The following CABLES1 variants were observed in gnomAD, a reference collection of about 807,000 sequenced individuals.
The protein encoded by CABLES1 is CDK5 and ABL1 enzyme substrate 1.
CABLES1 carries 36 observed loss-of-function variants against 57.8 expected under a neutral mutation model. That is an observed-to-expected ratio of 0.62 (90% confidence interval 0.48 to 0.82). The LOEUF (loss-of-function observed/expected upper bound fraction) is 0.82. CABLES1 is among the 40% of genes least tolerant of loss of function. The pLI is 0.00. For missense variants in CABLES1, 767 were observed against 836.6 expected, an observed-to-expected ratio of 0.92 and a Z score of 1.03; for synonymous variants, 374 against 363.0, an observed-to-expected ratio of 1.03 and a Z score of -0.35.
intron 1 of CABLES1, among the ~76,000 whole-genome samples, chr18:23,145,126 G>A (rs1395112921): frequency 2.6e-5 from 4 of 151,962 alleles, no homozygotes; most frequent in Admixed American, 1.3e-4. Context: ...TAGTAGAGAC[G>A]GGGTTTCGCC....
At chr18:23,183,007 C>T (rs549492348) in intron 1 of CABLES1, among the ~76,000 whole-genome samples, 5 of 152,340 alleles carry the variant, frequency 3.3e-5, no homozygotes, top group South Asian at 2.1e-4. Context: ...TCTCACTTTC[C>T]GGGGTCCTCA....
Position 23,253,493 on chromosome 18 carries a change from C to CA in CABLES1, c.1554-229dup, listed in dbSNP as rs1194045852. ...GTGAGACTCCATCTCAAAAGAAAAA[C>CA]AAAAAAAGTAAACATGTTTTATACG... is the stretch of plus-strand genomic sequence containing the variant. On this transcript the variant is annotated intron_variant, in intron 8 of 9. Transcript: ENST00000256925. Among the ~76,000 whole-genome samples, 2 of 151,984 alleles carry CA rather than the reference C, an allele frequency of 1.3e-5. 1 individual carries two copies. The highest frequency in any genetic ancestry group is 4.1e-4 in the South Asian group (2 of 4,822).
At chr18:23,228,622 C>T (rs901903057) in intron 4 of CABLES1, among the ~76,000 whole-genome samples, 5 of 152,030 alleles carry the variant, frequency 3.3e-5, no homozygotes, top group African/African-American at 1.2e-4. Context: ...GGCTGTCTCC[C>T]CAAATGTGCT....
At chr18:23,182,719 G>A (rs929757201) in intron 1 of CABLES1, among the ~76,000 whole-genome samples, 3 of 152,200 alleles carry the variant, frequency 2.0e-5, no homozygotes, top group African/African-American at 4.8e-5. Context: ...CCTAACTCTC[G>A]GGCCAGAGCT....
At chr18:23,243,704 C>A (rs2047800689) in intron 7 of CABLES1, among the ~76,000 whole-genome samples, 1 of 151,788 alleles carries the variant, frequency 6.6e-6, no homozygotes, top group East Asian at 1.9e-4. Context: ...AAAACCGTCT[C>A]TACTAAAAAA....
At chr18:23,218,612 G>C (rs143007280) in intron 4 of CABLES1, among the ~76,000 whole-genome samples, 1,137 of 24,490 alleles carry the variant, frequency 0.046, 16 homozygotes, top group Admixed American at 0.087. Context: ...ACTTGCCCTG[G>C]CTCCCGCATC....
intron 5 of CABLES1, 63 bp downstream of exon 5, chr18:23,234,767 GA>G: frequency 7.6e-7 from 1 of 1,320,484 alleles, no homozygotes; most frequent in Non-Finnish European, 1.1e-6. Flanking sequence ...GGAAGCAGAG[GA>G]GGGGGGCAGC....
intron 7 of CABLES1, among the ~76,000 whole-genome samples, chr18:23,248,433 CCACTCAGGAGGCA>C (rs2047953216): frequency 6.6e-6 from 1 of 151,352 alleles, no homozygotes; most frequent in African/African-American, 2.4e-5. Context: ...GCAGCCCCGA[CCACTCAGGAGGCA>C]GAGGCAGGAG....
chr18:23,203,670 T>C (rs2145039242), intron 3 of CABLES1, among the ~76,000 whole-genome samples: 1 of 152,224 alleles, frequency 6.6e-6, no homozygotes, highest in Middle Eastern at 3.4e-3. Flanking sequence ...CCTAATTTAG[T>C]TTGAAAAACG....
chr18:23,251,690 A>C (rs1391745009), intron 7 of CABLES1, among the ~76,000 whole-genome samples: 1 of 152,228 alleles, frequency 6.6e-6, no homozygotes, highest in Non-Finnish European at 1.5e-5. Context: ...AGGAAACTCA[A>C]GTTTCCAAAG....
In CABLES1 at chr18:23,257,211, TTTC is replaced by T; in HGVS notation, c.1762-13_1762-11del. 6.2e-7 allele frequency: 1 copy of T among 1,603,416 alleles called. No homozygotes were observed. Among genetic ancestry groups the T allele is most frequent in the Non-Finnish European group, 8.5e-7 (1 of 1,177,608 alleles). The stretch of plus-strand genomic sequence containing the variant: ...ATTTCAAAATGAACATGCTTTTGAT[TTTC>T]TTTTTGTTGCAGAAACTGGAAGAGA... On this transcript the variant is annotated splice_polypyrimidine_tract_variant and intron_variant, in intron 9 of 9. Transcript: ENST00000256925.
intron 4 of CABLES1, among the ~76,000 whole-genome samples, chr18:23,221,839 C>G (rs564794868): frequency 6.6e-6 from 1 of 152,188 alleles, no homozygotes; most frequent in Non-Finnish European, 1.5e-5. Context: ...AAAGATCTGC[C>G]TGTCCCCAAA....
At chr18:23,137,571 G>T (rs2046831285) in intron 1 of CABLES1, among the ~76,000 whole-genome samples, 1 of 152,116 alleles carries the variant, frequency 6.6e-6, no homozygotes, top group African/African-American at 2.4e-5. Flanking sequence ...TAACTTCTTG[G>T]GGCCTCAGTT....
intron 1 of CABLES1, among the ~76,000 whole-genome samples, chr18:23,172,737 A>G (rs534387231): frequency 1.8e-4 from 28 of 152,370 alleles, no homozygotes; most frequent in African/African-American, 5.5e-4. Context: ...CACAGCTCTC[A>G]TGCTGCAAAT....
intron 4 of CABLES1, among the ~76,000 whole-genome samples, chr18:23,218,879 A>G (rs1440336564): frequency 6.6e-6 from 1 of 152,188 alleles, no homozygotes; most frequent in Non-Finnish European, 1.5e-5. Flanking sequence ...AGGCTGGGGA[A>G]GGGGTGGGGA....
At chr18:23,180,955 A>AGCTTGG (rs1289067684) in intron 1 of CABLES1, among the ~76,000 whole-genome samples, 1 of 152,206 alleles carries the variant, frequency 6.6e-6, no homozygotes, top group Admixed American at 6.5e-5. Flanking sequence ...CCTGCTTTCT[A>AGCTTGG]GGCTAATATG....
rs77960307 is a variant in CABLES1 at position 23,145,584 on chromosome 18, G to A, written c.845+8977G>A. ...ATCTGTCCCCCTCAAGTTTCAGCCT[G>A]TGTACCATTTAAACACCAAACTTTT... On this transcript the variant is annotated intron_variant, in intron 1 of 9. Coordinates refer to ENST00000256925, the MANE Select transcript of CABLES1 (RefSeq NM_001100619.3). Among the ~76,000 whole-genome samples, 1,054 of 152,258 alleles carry A rather than the reference G, an allele frequency of 6.9e-3. 11 individuals carry two copies. The highest frequency in any genetic ancestry group is 0.025 in the African/African-American group (1,024 of 41,522).
At chr18:23,186,795 C>T (rs561686915) in intron 1 of CABLES1, among the ~76,000 whole-genome samples, 1 of 152,302 alleles carries the variant, frequency 6.6e-6, no homozygotes, top group African/African-American at 2.4e-5. Context: ...ATTCTAGGCC[C>T]TAGGCATTCT....
intron 1 of CABLES1, among the ~76,000 whole-genome samples, chr18:23,145,857 A>C (rs1270288481): frequency 6.6e-6 from 1 of 152,234 alleles, no homozygotes; most frequent in East Asian, 1.9e-4. Flanking sequence ...GGGGCTTATT[A>C]CTGCACATTT....
Sources: gnomAD v4.1 joint callset for allele counts (sites outside exome capture counted in the v4.1 genomes callset) on GRCh38, gnomAD v4.1.1 for gene constraint, MANE v1.5 for transcripts, NCBI Gene and HGNC (gene_info 2026-07-23, HGNC 2026-07-21) for gene names.